C1orf21: variants seen among roughly 807,000 people sequenced by gnomAD.
C1orf21 encodes chromosome 1 open reading frame 21.
A neutral mutation model predicts 18.7 loss-of-function variants in C1orf21; 3 were observed. The ratio of observed to expected loss-of-function variants is 0.16; its 90% CI spans 0.07 to 0.42. The LOEUF is 0.42. Ranked by LOEUF, C1orf21 falls within the 10% of genes least tolerant of loss-of-function variation. C1orf21 has a pLI of 0.99. For synonymous variants in C1orf21, 41 were observed against 46.4 expected, an observed-to-expected ratio of 0.88 and a Z score of 0.47; for missense variants, 104 against 143.6, an observed-to-expected ratio of 0.72 and a Z score of 1.41.
Position 184,580,867 on chromosome 1 carries a change from T to A in C1orf21, c.190-9872T>A, listed in dbSNP as rs139156654. Among the ~76,000 whole-genome samples, 302 of 152,372 alleles carry A rather than the reference T, an allele frequency of 2.0e-3. 1 individual carries two copies. Among genetic ancestry groups the A allele is most frequent in the African/African-American group, 7.2e-3 (298 of 41,584 alleles). On this transcript the variant is annotated intron_variant, in intron 3 of 5. Transcript: ENST00000235307. ...TTGGTGGAAAAAATTTTGAAATCCATGCATATTTTTTTCATAATACACGTT... is the reference window on the plus strand; with the variant it reads ...TTGGTGGAAAAAATTTTGAAATCCAAGCATATTTTTTTCATAATACACGTT...
chr1:184,455,045 A>G lies in C1orf21; in HGVS notation c.-124-22341A>G, dbSNP rs536669193. Among the ~76,000 whole-genome samples the G allele has an allele frequency of 4.6e-5, 7 of 152,252 alleles. No individual in the cohort carries two copies. In the East Asian group the frequency reaches 9.7e-4, roughly 21 times the overall value. On this transcript the variant is annotated intron_variant, in intron 1 of 5. Transcript: ENST00000235307. ...AAGAAGGGGGCAGGGGGGACAATCA[A>G]TTATGTATTTGTCTCAGGCTCAGTG...
At chr1:184,472,687 A>T (rs567125599) in intron 1 of C1orf21, among the ~76,000 whole-genome samples, 35 of 152,106 alleles carry the variant, frequency 2.3e-4, no homozygotes, top group African/African-American at 7.7e-4. Context: ...GTTTCTAGTT[A>T]AAAAAAACTA....
At chr1:184,520,276 A>G (rs1658288996) in intron 3 of C1orf21, among the ~76,000 whole-genome samples, 1 of 152,332 alleles carries the variant, frequency 6.6e-6, no homozygotes, top group East Asian at 1.9e-4. Flanking sequence ...ACTTCTGCTT[A>G]TAACTGGATA....
chr1:184,484,906 G>GTGTGTGTGTGTC (rs1657711637), intron 2 of C1orf21, among the ~76,000 whole-genome samples: 2 of 151,782 alleles, frequency 1.3e-5, no homozygotes, highest in African/African-American at 4.8e-5. Context: ...GTGTGTGTGT[G>GTGTGTGTGTGTC]TGTGTGTGTG....
At chr1:184,457,353 A>G (rs1571367136) in intron 1 of C1orf21, among the ~76,000 whole-genome samples, 1 of 152,324 alleles carries the variant, frequency 6.6e-6, no homozygotes, top group South Asian at 2.1e-4. Flanking sequence ...CATCAAACAG[A>G]CTGTGCTTAG....
intron 3 of C1orf21, among the ~76,000 whole-genome samples, chr1:184,574,474 G>T (rs555713154): frequency 2.0e-5 from 3 of 152,314 alleles, no homozygotes; most frequent in African/African-American, 7.2e-5. Flanking sequence ...AAAGGATTAC[G>T]TATTTATGTT....
At chr1:184,559,610 C>A (rs1658933341) in intron 3 of C1orf21, among the ~76,000 whole-genome samples, 1 of 145,574 alleles carries the variant, frequency 6.9e-6, no homozygotes, top group African/African-American at 2.6e-5. Flanking sequence ...TTCCTTCCTT[C>A]CTCCCTCCCT....
intron 2 of C1orf21, among the ~76,000 whole-genome samples, chr1:184,487,538 ATAACAC>A: frequency 6.6e-6 from 1 of 152,226 alleles, no homozygotes; most frequent in Non-Finnish European, 1.5e-5. Flanking sequence ...CTCCTTGGGA[ATAACAC>A]ATTGATATTA....
intron 1 of C1orf21, among the ~76,000 whole-genome samples, chr1:184,422,668 G>A (rs778383961): frequency 6.6e-6 from 1 of 152,198 alleles, no homozygotes; most frequent in Non-Finnish European, 1.5e-5. Flanking sequence ...TCAGCATGCG[G>A]TAGATAATTG....
intron 1 of C1orf21, among the ~76,000 whole-genome samples, chr1:184,466,459 G>C (rs1242686902): frequency 6.6e-6 from 1 of 152,162 alleles, no homozygotes; most frequent in Admixed American, 6.5e-5. Flanking sequence ...TCCTTTAGTG[G>C]ATGATTGCAC....
At chr1:184,615,845 T>C (rs1331191302) in intron 5 of C1orf21, among the ~76,000 whole-genome samples, 2 of 152,232 alleles carry the variant, frequency 1.3e-5, no homozygotes, top group Admixed American at 1.3e-4. Context: ...ATAGGGTACA[T>C]GTGGTATTTT....
At chr1:184,407,515 C>G (rs1378289342) in intron 1 of C1orf21, among the ~76,000 whole-genome samples, 2 of 152,176 alleles carry the variant, frequency 1.3e-5, no homozygotes, top group African/African-American at 2.4e-5. Flanking sequence ...GGGTCACATC[C>G]TGAGTTGTGC....
intron 2 of C1orf21, among the ~76,000 whole-genome samples, chr1:184,490,662 T>C (rs1249640668): frequency 6.6e-6 from 1 of 152,212 alleles, no homozygotes; most frequent in Admixed American, 6.5e-5. Context: ...GTAAGAATCA[T>C]GTTAGGGATT....
At chr1:184,551,806 A>G (rs1658817057) in intron 3 of C1orf21, among the ~76,000 whole-genome samples, 1 of 152,150 alleles carries the variant, frequency 6.6e-6, no homozygotes, top group Non-Finnish European at 1.5e-5. Flanking sequence ...TAGGAGTTTG[A>G]GACCAGCCTG....
intron 3 of C1orf21, among the ~76,000 whole-genome samples, chr1:184,579,046 C>CTT (rs71101936): frequency 1.5e-5 from 2 of 131,272 alleles, no homozygotes; most frequent in African/African-American, 2.8e-5. Flanking sequence ...CTTTAAAGTT[C>CTT]TTTTTTTTTT....
intron 2 of C1orf21, among the ~76,000 whole-genome samples, chr1:184,495,112 T>A (rs1206474222): frequency 6.6e-6 from 1 of 152,230 alleles, no homozygotes; most frequent in Non-Finnish European, 1.5e-5. Flanking sequence ...TGCTTGTTCA[T>A]TTTTAGCAAG....
At chr1:184,603,137 T>C (rs1287754036) in intron 5 of C1orf21, among the ~76,000 whole-genome samples, 1 of 152,228 alleles carries the variant, frequency 6.6e-6, no homozygotes, top group East Asian at 1.9e-4. Context: ...AACTTTGGAT[T>C]TCTTTCTTAT....
intron 3 of C1orf21, among the ~76,000 whole-genome samples, chr1:184,534,291 G>A (rs376750397): frequency 2.0e-5 from 3 of 152,136 alleles, no homozygotes; most frequent in African/African-American, 7.2e-5. Context: ...AAGCTCAGAG[G>A]GGTGTTTCTT....
chr1:184,603,743 CA>C (rs752980099), intron 5 of C1orf21, among the ~76,000 whole-genome samples: 88 of 152,196 alleles, frequency 5.8e-4, no homozygotes, highest in Admixed American at 6.5e-4. Flanking sequence ...TACAGTTGAG[CA>C]GAGACCACGC....
Sources: allele counts gnomAD v4.1 joint callset (sites outside exome capture counted in the v4.1 genomes callset), GRCh38; gene constraint gnomAD v4.1.1; transcripts MANE v1.5; gene names NCBI Gene and HGNC (gene_info 2026-07-23, HGNC 2026-07-21).